Variants in ATP10B observed in about 807,000 individuals in gnomAD.
ATP10B encodes the protein phospholipid-transporting ATPase VB.
In ATP10B, 122 loss-of-function variants were observed where a neutral mutation model predicts 141.2. The ratio of observed to expected loss-of-function variants is 0.86; its 90% CI spans 0.75 to 1.00. ATP10B has a LOEUF of 1.00. Ranked by LOEUF, ATP10B falls within the 50% of genes least tolerant of loss-of-function variation. The pLI is 0.00. For synonymous variants in ATP10B, 685 were observed against 692.0 expected (o/e 0.99, Z 0.16); for missense variants, 1,876 against 1,825.3 (o/e 1.03, Z -0.51).
intron 2 of ATP10B, among the ~76,000 whole-genome samples, chr5:160,754,871 C>T (rs1185972148): frequency 6.6e-6 from 1 of 152,140 alleles, no homozygotes; most frequent in Non-Finnish European, 1.5e-5. Context: ...ACCAATGTGT[C>T]ACCTTTTATT....
the ATP10B span, among the ~76,000 whole-genome samples, chr5:160,872,773 T>C: frequency 2.0e-5 from 3 of 152,240 alleles, no homozygotes; most frequent in African/African-American, 7.2e-5. Context: ...TTTTGGTGAC[T>C]ACGGCCTTAG....
At chr5:160,823,270 T>C (rs1774318439) in intron 1 of ATP10B, among the ~76,000 whole-genome samples, 1 of 151,900 alleles carries the variant, frequency 6.6e-6, no homozygotes, top group South Asian at 2.1e-4. Context: ...ACCATTATCC[T>C]CAGCAAACTA....
chr5:160,698,211 A>T (rs1764480106), intron 3 of ATP10B, among the ~76,000 whole-genome samples: 1 of 152,130 alleles, frequency 6.6e-6, no homozygotes, highest in Admixed American at 6.6e-5. Context: ...AGGAGTACCC[A>T]TTTCCGTGAA....
intron 24 of ATP10B, among the ~76,000 whole-genome samples, chr5:160,570,590 T>G (rs1424504028): frequency 1.3e-5 from 2 of 152,228 alleles, no homozygotes; most frequent in Non-Finnish European, 2.9e-5. Flanking sequence ...TTTACATCCC[T>G]CCTGGCTAAT....
chr5:160,696,169 T>C (rs1465431099), intron 3 of ATP10B, among the ~76,000 whole-genome samples: 1 of 152,150 alleles, frequency 6.6e-6, no homozygotes, highest in Non-Finnish European at 1.5e-5. Flanking sequence ...TGCAATGGCA[T>C]GATCTTGGCT....
At chr5:160,706,943 ATATTTATTTATT>A (rs551509241) in intron 3 of ATP10B, among the ~76,000 whole-genome samples, 2 of 151,640 alleles carry the variant, frequency 1.3e-5, no homozygotes, top group Non-Finnish European at 2.9e-5. Context: ...GTTTGTTTTA[ATATTTATTTATT>A]TATTTATTTA....
chr5:160,606,729 G>C, intron 19 of ATP10B, 36 bp downstream of exon 19: 1 of 1,587,306 alleles, frequency 6.3e-7, no homozygotes, highest in Non-Finnish European at 8.6e-7. Context: ...GATCATCCCT[G>C]CCAAAGTGCC....
chr5:160,765,451 C>A (rs1249382202), intron 2 of ATP10B, among the ~76,000 whole-genome samples: 1 of 152,040 alleles, frequency 6.6e-6, no homozygotes, highest in Non-Finnish European at 1.5e-5. Flanking sequence ...CAAACAAAAA[C>A]ATAAAATGGG....
chr5:160,636,348 A>G (rs1759372501), intron 10 of ATP10B, 39 bp from the exon 11 acceptor site: 3 of 1,601,894 alleles, frequency 1.9e-6, no homozygotes, highest in East Asian at 2.2e-5. Flanking sequence ...CTGAATCTCT[A>G]CTAAGTCCTA....
At chr5:160,671,003 A>T (rs1037201661) in intron 6 of ATP10B, among the ~76,000 whole-genome samples, 4 of 151,766 alleles carry the variant, frequency 2.6e-5, no homozygotes, top group African/African-American at 9.7e-5. Context: ...TGTCTCTACT[A>T]AAAATACAAA....
At position 160,615,907 on chromosome 5, in the gene ATP10B, A is replaced by T. The variant is rs2127642525; in HGVS notation, c.2584T>A (p.Ser862Thr). The change falls in exon 17 of 26, where the codon TCC becomes ACC. Residue 862 changes from serine (S) to threonine (T), a missense_variant. Physicochemically the swap from Ser to Thr is moderately conservative, Grantham distance 58. Transcript: ENST00000327245. ...WASFRREAEA[S>T]LDNRDELLME... ...AGAAGCTCATCTCGGTTGTCGAGGG[A>T]TGCCTCAGCCTCACGCCGGAAACTG... 1 of 1,613,958 alleles carries T rather than the reference A, an allele frequency of 6.2e-7. No individual in the cohort carries two copies. Among genetic ancestry groups the T allele is most frequent in the East Asian group, 2.2e-5 (1 of 44,864 alleles).
At chr5:160,820,301 A>C (rs1055657199) in intron 1 of ATP10B, among the ~76,000 whole-genome samples, 2 of 152,230 alleles carry the variant, frequency 1.3e-5, no homozygotes, top group Middle Eastern at 3.4e-3. Context: ...TCCTGGACAC[A>C]TGCAACCTAC....
chr5:160,927,131 T>C, the ATP10B span, among the ~76,000 whole-genome samples: 1 of 152,154 alleles, frequency 6.6e-6, no homozygotes, highest in South Asian at 2.1e-4. Context: ...GTACAGCTCA[T>C]AGAAACACCT....
At chr5:160,681,168 A>G (rs1763378198) in intron 6 of ATP10B, among the ~76,000 whole-genome samples, 1 of 152,204 alleles carries the variant, frequency 6.6e-6, no homozygotes, top group Non-Finnish European at 1.5e-5. Context: ...ACTTGTGGCA[A>G]AGAACATCTC....
the ATP10B span, among the ~76,000 whole-genome samples, chr5:160,925,223 A>G: frequency 2.0e-5 from 3 of 152,252 alleles, no homozygotes; most frequent in Non-Finnish European, 2.9e-5. Context: ...CCTGCCTATT[A>G]TTCATTAGTT....
intron 2 of ATP10B, among the ~76,000 whole-genome samples, chr5:160,767,377 A>C (rs1377468349): frequency 6.6e-6 from 1 of 152,124 alleles, no homozygotes. Flanking sequence ...CTATATTTTA[A>C]TCCATAAAAA....
the ATP10B span, among the ~76,000 whole-genome samples, chr5:160,903,078 CTATT>C: frequency 4.6e-5 from 7 of 152,110 alleles, 1 homozygote; most frequent in Admixed American, 4.6e-4. Flanking sequence ...CAGTGAATGG[CTATT>C]TATTACTAGC....
At chr5:160,795,643 C>T (rs1771892815) in intron 1 of ATP10B, among the ~76,000 whole-genome samples, 1 of 151,460 alleles carries the variant, frequency 6.6e-6, no homozygotes, top group Non-Finnish European at 1.5e-5. Context: ...TTGAGAGGAT[C>T]ATCCTAGATT....
the ATP10B span, among the ~76,000 whole-genome samples, chr5:160,883,741 A>T: frequency 6.6e-6 from 1 of 152,108 alleles, no homozygotes. Flanking sequence ...ATCAAAACAC[A>T]CGCAAAAAGA....
Sources: allele counts gnomAD v4.1 joint callset (sites outside exome capture counted in the v4.1 genomes callset), GRCh38; gene constraint gnomAD v4.1.1; transcripts MANE v1.5; gene names NCBI Gene and HGNC (gene_info 2026-07-23, HGNC 2026-07-21).